Variants in NCOR2 observed in about 807,000 individuals in gnomAD.
NCOR2 encodes the protein nuclear receptor corepressor 2.
NCOR2 carries 81 observed loss-of-function variants against 262.9 expected under a neutral mutation model. That is an observed-to-expected ratio of 0.31 (90% CI 0.26 to 0.37). The LOEUF (loss-of-function observed/expected upper bound fraction) is 0.37, where lower values mean the gene tolerates loss of function less well. Ranked by LOEUF, NCOR2 falls within the 10% of genes least tolerant of loss-of-function variation. The pLI is 1.00. For missense variants in NCOR2, 3,385 were observed against 3,621.4 expected (o/e 0.93, Z 1.68); for synonymous variants, 1,659 against 1,559.3 (o/e 1.06, Z -1.51).
intron 3 of NCOR2, among the ~76,000 whole-genome samples, chr12:124,480,154 G>C (rs1021890920): frequency 6.6e-6 from 1 of 152,230 alleles, no homozygotes; most frequent in African/African-American, 2.4e-5. Context: ...CTGTAGGCCT[G>C]AGTGGCCACT....
chr12:124,532,749 A>C (rs1428029109), intron 1 of NCOR2, among the ~76,000 whole-genome samples: 1 of 152,168 alleles, frequency 6.6e-6, no homozygotes, highest in African/African-American at 2.4e-5. Flanking sequence ...GAGGAGGAGG[A>C]GGCTGGGAAA....
At chr12:124,388,383 GACC>G (rs1223331186) in intron 16 of NCOR2, among the ~76,000 whole-genome samples, 1 of 152,162 alleles carries the variant, frequency 6.6e-6, no homozygotes, top group South Asian at 2.1e-4. Context: ...GTGCCTTGGA[GACC>G]ACCCCGCCAG....
chr12:124,453,335 C>T (rs138642327), intron 6 of NCOR2, among the ~76,000 whole-genome samples: 68 of 152,302 alleles, frequency 4.5e-4, no homozygotes, highest in East Asian at 4.2e-3. Context: ...GGGGGACTCA[C>T]GCCAGTGAGG....
At chr12:124,496,195 T>G (rs1203176897), upstream of NCOR2, among the ~76,000 whole-genome samples, 2 of 149,264 alleles carry the variant, frequency 1.3e-5, no homozygotes, top group South Asian at 2.2e-4. This position sits in a 1 kb window ranked among gnomAD's most constrained non-coding sequence, Gnocchi z 4.4. Flanking sequence ...GGACCCCTAC[T>G]CCGAAGCTGC....
chr12:124,354,861 G>C, exon 25 of NCOR2: 1 of 1,612,730 alleles, frequency 6.2e-7, no homozygotes, highest in East Asian at 2.2e-5. Context: ...TCCATGGGCA[G>C]GGGCAGCCCC....
exon 38 of NCOR2, chr12:124,336,873 G>A (rs763648762): frequency 2.5e-6 from 4 of 1,610,816 alleles, no homozygotes; most frequent in African/African-American, 1.3e-5. Context: ...TGAGGTGCGA[G>A]GTTCTTCGCA....
At chr12:124,507,866 A>G (rs1593888140) in intron 1 of NCOR2, among the ~76,000 whole-genome samples, 1 of 152,134 alleles carries the variant, frequency 6.6e-6, no homozygotes, top group East Asian at 1.9e-4. Context: ...TGCCTCCAAC[A>G]TCTGGCAAAC....
chr12:124,543,212 G>C (rs575118177), intron 1 of NCOR2, among the ~76,000 whole-genome samples: 2 of 152,188 alleles, frequency 1.3e-5, no homozygotes, highest in East Asian at 3.9e-4. Context: ...CCGTCCAGAG[G>C]GGGACTGAGG....
chr12:124,511,264 C>T (rs1181193943), intron 1 of NCOR2, among the ~76,000 whole-genome samples: 4 of 152,188 alleles, frequency 2.6e-5, no homozygotes, highest in African/African-American at 9.7e-5. Flanking sequence ...TCCACACAGC[C>T]GGCCGGCTCC....
At chr12:124,496,339 C>A (rs1057151871), upstream of NCOR2, among the ~76,000 whole-genome samples, 2 of 152,010 alleles carry the variant, frequency 1.3e-5, no homozygotes, top group Admixed American at 6.6e-5. The surrounding 1 kb of genome is among the most constrained non-coding windows in gnomAD (Gnocchi z 4.4). Context: ...TCCACACTCT[C>A]CCTGAACCAG....
At position 124,355,429 on chromosome 12, in the gene NCOR2, C is replaced by T. The variant is rs1403271862; in HGVS notation, c.3381+3G>A. 5 of 1,613,280 alleles carry T rather than the reference C, an allele frequency of 3.1e-6. No homozygotes were observed. Among genetic ancestry groups the T allele is most frequent in the Non-Finnish European group, 4.2e-6 (5 of 1,179,810 alleles). Reference sequence around the variant, plus strand: ...CCCCAAGAAAGGAAGGGCTACCACTCACTTGGGAGATGGCACCTATTTGCC... The same window carrying T: ...CCCCAAGAAAGGAAGGGCTACCACTTACTTGGGAGATGGCACCTATTTGCC... On this transcript the variant is annotated splice_donor_region_variant and intron_variant, in intron 24 of 46. Coordinates refer to ENST00000405201, the Ensembl canonical transcript of NCOR2.
chr12:124,429,811 T>C (rs1349514699), intron 9 of NCOR2, 105 bp from the exon 12 acceptor site: 1 of 1,128,276 alleles, frequency 8.9e-7, no homozygotes, highest in African/African-American at 1.5e-5. Flanking sequence ...AGAGGAGAAG[T>C]GTGGGCAGCG....
rs1296352395 is a variant in NCOR2 at position 124,457,806 on chromosome 12, C to A, written c.706-644G>T. 6.6e-6 allele frequency among the ~76,000 whole-genome samples: 1 copy of A among 152,220 alleles called. No individual in the cohort carries two copies. The highest frequency in any genetic ancestry group is 1.5e-5 in the Non-Finnish European group (1 of 68,026). On this transcript the variant is annotated intron_variant, in intron 5 of 46. Coordinates refer to ENST00000405201, the Ensembl canonical transcript of NCOR2. This position sits in a 1 kb window ranked among gnomAD's most constrained non-coding sequence, Gnocchi z 4.0. ...ATAGGCTGGACCTCCGGGCCCCCAC[C>A]CCGGCCCTCGGTGTGAAGGCAGACA...
At chr12:124,379,515 T>TGGGGACTCCCAG (rs1238843825) in intron 17 of NCOR2, among the ~76,000 whole-genome samples, 1 of 152,116 alleles carries the variant, frequency 6.6e-6, no homozygotes, top group Non-Finnish European at 1.5e-5. Context: ...TCGAAGTGAC[T>TGGGGACTCCCAG]GGGGACTCCC....
upstream of NCOR2, among the ~76,000 whole-genome samples, chr12:124,497,048 C>G (rs182704842): frequency 1.3e-5 from 2 of 152,308 alleles, no homozygotes; most frequent in African/African-American, 4.8e-5. This position sits in a 1 kb window ranked among gnomAD's most constrained non-coding sequence, Gnocchi z 4.2. Context: ...GGAGGCAGGT[C>G]GAAGCCTGCT....
intron 41 of NCOR2, among the ~76,000 whole-genome samples, chr12:124,334,028 G>GTGTGTGTGCGCGCATGTGTGTGT (rs1593094229): frequency 1.3e-5 from 2 of 150,408 alleles, no homozygotes; most frequent in African/African-American, 2.4e-5. Context: ...GTGCATGTGT[G>GTGTGTGTGCGCGCATGTGTGTGT]GAAAGGCTGC....
chr12:124,520,660 C>G (rs1021912535), intron 1 of NCOR2, among the ~76,000 whole-genome samples: 12 of 152,304 alleles, frequency 7.9e-5, no homozygotes, highest in African/African-American at 2.6e-4. Context: ...ACACCAGAAA[C>G]AGCCACAGGC....
intron 44 of NCOR2, 115 bp from the exon 47 acceptor site, chr12:124,327,748 G>GGA (rs1283416182): frequency 1.4e-6 from 1 of 710,876 alleles, no homozygotes; most frequent in Admixed American, 2.7e-5. Flanking sequence ...AGGAGGAGGA[G>GGA]GAGAGAGAAA....
chr12:124,415,070 C>A (rs1239880099), intron 13 of NCOR2, among the ~76,000 whole-genome samples: 2 of 152,202 alleles, frequency 1.3e-5, no homozygotes, highest in African/African-American at 4.8e-5. Context: ...CACCAAGAGT[C>A]CCAGATGCCT....
Sources: allele counts gnomAD v4.1 joint callset (sites outside exome capture counted in the v4.1 genomes callset), GRCh38; gene constraint gnomAD v4.1.1; non-coding constraint Gnocchi (gnomAD v3.1); transcripts MANE v1.5; gene names NCBI Gene and HGNC (gene_info 2026-07-23, HGNC 2026-07-21).